Variants in TSNARE1 observed in about 807,000 individuals in gnomAD.
TSNARE1 encodes the protein t-SNARE domain containing 1.
In TSNARE1, 49 loss-of-function variants were observed where a neutral mutation model predicts 62.0. The observed-to-expected ratio is 0.79, with a 90% CI of 0.63 to 1.00. The LOEUF (loss-of-function observed/expected upper bound fraction) is 1.00, where lower values mean the gene tolerates loss of function less well. TSNARE1 is among the 50% of genes least tolerant of loss of function. TSNARE1 has a pLI of 0.00. For missense variants in TSNARE1, 755 were observed against 700.1 expected (o/e 1.08, Z -0.88); for synonymous variants, 328 against 294.4 (o/e 1.11, Z -1.17).
chr8:142,330,990 C>T lies in TSNARE1; in HGVS notation c.824-20G>A, dbSNP rs1207588506. ...AGGTCACTGCCCGAGAGAAGAGGGA[C>T]AGGGTGAGGGCAGAAGGAGCTTCCC... On this transcript the variant is annotated intron_variant, in intron 5 of 13. Transcript: ENST00000524325. 2.5e-6 allele frequency: 4 copies of T among 1,612,852 alleles called. No homozygotes were observed. The highest frequency in any genetic ancestry group is 3.4e-6 in the Non-Finnish European group (4 of 1,179,136).
chr8:142,304,840 ATGGCCATACACGCCCC>A (rs1826395700), intron 9 of TSNARE1, among the ~76,000 whole-genome samples: 1 of 152,184 alleles, frequency 6.6e-6, no homozygotes, highest in South Asian at 2.1e-4. Context: ...CAGGGGGGAC[ATGGCCATACACGCCCC>A]TGGAGAGCGG....
intron 12 of TSNARE1, among the ~76,000 whole-genome samples, chr8:142,254,135 A>G (rs1818313628): frequency 6.6e-6 from 1 of 152,198 alleles, no homozygotes. Flanking sequence ...TGGCCCCGGG[A>G]GCCCGGCCGG....
intron 1 of TSNARE1, among the ~76,000 whole-genome samples, chr8:142,399,397 G>A (rs1196740213): frequency 2.6e-5 from 4 of 152,246 alleles, no homozygotes; most frequent in African/African-American, 7.2e-5. Flanking sequence ...GCTCCCCGCG[G>A]GTGGGGTGGC....
At chr8:142,290,813 C>T (rs1025606038) in intron 10 of TSNARE1, among the ~76,000 whole-genome samples, 5 of 152,242 alleles carry the variant, frequency 3.3e-5, no homozygotes, top group East Asian at 1.9e-4. Flanking sequence ...TCCGCCCTCC[C>T]GGGCCTGCCA....
At chr8:142,269,766 C>T (rs1211263022) in intron 12 of TSNARE1, 1 of 984,916 alleles carries the variant, frequency 1.0e-6, no homozygotes, top group African/African-American at 1.8e-5. Context: ...GAGTGGAGGC[C>T]CCGCCCAGAA....
Position 142,372,245 on chromosome 8 carries a change from A to T in TSNARE1, c.-39-17482T>A, listed in dbSNP as rs556299290. ...AGGTCCGCAGCACGACAGACAGAGGATGGGCCCTGGGCATGTTCACTGCAG... is the reference window on the plus strand; with the variant it reads ...AGGTCCGCAGCACGACAGACAGAGGTTGGGCCCTGGGCATGTTCACTGCAG... On this transcript the variant is annotated intron_variant, in intron 1 of 13. Transcript: ENST00000524325. 3.3e-5 allele frequency among the ~76,000 whole-genome samples: 5 copies of T among 152,290 alleles called. No individual in the cohort carries two copies. The South Asian group carries it at 1.0e-3, about 32-fold the overall frequency.
chr8:142,371,433 C>T (rs528189427), intron 1 of TSNARE1, among the ~76,000 whole-genome samples: 21 of 152,270 alleles, frequency 1.4e-4, no homozygotes, highest in South Asian at 1.0e-3. Context: ...GGTGTCTTGA[C>T]GACAGTGGTG....
intron 11 of TSNARE1, among the ~76,000 whole-genome samples, chr8:142,283,382 TG>T (rs1350794778): frequency 2.1e-5 from 3 of 145,738 alleles, no homozygotes; most frequent in Admixed American, 2.1e-4. Context: ...TGTCTGTCAA[TG>T]AGCAGAGGCG....
intron 4 of TSNARE1, among the ~76,000 whole-genome samples, chr8:142,343,056 C>T (rs1398776053): frequency 6.6e-6 from 1 of 152,240 alleles, no homozygotes; most frequent in African/African-American, 2.4e-5. Flanking sequence ...ACTGGGCCCA[C>T]GCTGACCTCC....
chr8:142,295,023 G>A (rs1474175772), intron 10 of TSNARE1, among the ~76,000 whole-genome samples: 1 of 152,206 alleles, frequency 6.6e-6, no homozygotes, highest in African/African-American at 2.4e-5. Context: ...ACCAGCACCA[G>A]GGGCTACCCA....
At chr8:142,278,785 G>C in intron 11 of TSNARE1, 1 of 985,432 alleles carries the variant, frequency 1.0e-6, no homozygotes, top group Non-Finnish European at 1.2e-6. Flanking sequence ...ACAGCACCAC[G>C]TGTGGGGCTT....
Position 142,352,824 on chromosome 8 carries a change from A to G in TSNARE1, c.88+1813T>C, listed in dbSNP as rs115641166. Among the ~76,000 whole-genome samples, 917 of 152,332 alleles carry G rather than the reference A, an allele frequency of 6.0e-3. 10 individuals are homozygous for G. The highest frequency in any genetic ancestry group is 0.021 in the African/African-American group (860 of 41,578). Reference sequence around the variant, plus strand: ...AGTTCAGAGCAAGGACGAAGGAGGCAGGAGGGTAAAGGAGCAGGGGCCTGG... The same window carrying G: ...AGTTCAGAGCAAGGACGAAGGAGGCGGGAGGGTAAAGGAGCAGGGGCCTGG... On this transcript the variant is annotated intron_variant, in intron 2 of 13. Coordinates refer to ENST00000524325, the MANE Select transcript of TSNARE1 (RefSeq NM_145003.5).
chr8:142,361,280 G>C (rs994109547), intron 1 of TSNARE1, among the ~76,000 whole-genome samples: 1 of 152,232 alleles, frequency 6.6e-6, no homozygotes, highest in Non-Finnish European at 1.5e-5. Context: ...AAGCGGCATC[G>C]TGCTTGTCCC....
chr8:142,342,984 C>A (rs1211627376), intron 4 of TSNARE1, among the ~76,000 whole-genome samples: 2 of 152,122 alleles, frequency 1.3e-5, no homozygotes, highest in Non-Finnish European at 1.5e-5. Context: ...CTCAGCATGC[C>A]ATGCCTACGC....
At chr8:142,335,533 C>T (rs1831638000) in intron 4 of TSNARE1, among the ~76,000 whole-genome samples, 1 of 151,672 alleles carries the variant, frequency 6.6e-6, no homozygotes, top group Non-Finnish European at 1.5e-5. Flanking sequence ...AAGAAACAAA[C>T]AGGAATCTCT....
At chr8:142,390,833 A>G (rs374852303) in intron 1 of TSNARE1, among the ~76,000 whole-genome samples, 1 of 62,256 alleles carries the variant, frequency 1.6e-5, no homozygotes, top group African/African-American at 7.9e-5. Context: ...GGACTCCGTA[A>G]CAGACGCTGT....
At chr8:142,329,701 G>C (rs1262363370) in intron 6 of TSNARE1, among the ~76,000 whole-genome samples, 1 of 152,184 alleles carries the variant, frequency 6.6e-6, no homozygotes, top group Non-Finnish European at 1.5e-5. Flanking sequence ...GTGCAAATAC[G>C]CGTGGGTGTG....
chr8:142,300,544 A>C lies in TSNARE1; in HGVS notation c.1232T>G (p.Ile411Ser). The C allele has an allele frequency of 6.2e-7, 1 of 1,612,122 alleles. No individual in the cohort carries two copies. Among genetic ancestry groups the C allele is most frequent in the Non-Finnish European group, 8.5e-7 (1 of 1,179,920 alleles). The change falls in exon 10 of 14, where the codon ATC (isoleucine) becomes AGC (serine). Residue 411 changes from isoleucine (I) to serine (S), a missense_variant. By Grantham distance (142) the Ile-to-Ser change is moderately radical. Transcript: ENST00000524325. The stretch of plus-strand genomic sequence containing the variant: ...GATGGCCTCCAGGTCCTCTTCAGTG[A>C]TGTCCGGGAGCAGCGCCTGCTCCTG... ...QGQEQALLPDITEEDLEAIRL... is the reference protein window; with the variant it reads ...QGQEQALLPDSTEEDLEAIRL...
chr8:142,259,752 C>G (rs1383221248), intron 12 of TSNARE1, among the ~76,000 whole-genome samples: 1 of 152,210 alleles, frequency 6.6e-6, no homozygotes, highest in Admixed American at 6.5e-5. Flanking sequence ...CTGCTACTTC[C>G]CTGCCTGCAA....
Sources: allele counts gnomAD v4.1 joint callset (sites outside exome capture counted in the v4.1 genomes callset), GRCh38; gene constraint gnomAD v4.1.1; transcripts MANE v1.5; gene names NCBI Gene and HGNC (gene_info 2026-07-23, HGNC 2026-07-21).